The following ALMS1 variants were observed in gnomAD, a reference collection of about 807,000 sequenced individuals.
ALMS1 encodes the protein ALMS1 centrosome and basal body associated protein.
A neutral mutation model predicts 352.2 loss-of-function variants in ALMS1; 271 were observed. The ratio of observed to expected loss-of-function variants is 0.77; its 90% CI spans 0.70 to 0.85. The LOEUF is 0.85. Ranked by LOEUF, ALMS1 falls within the 40% of genes least tolerant of loss-of-function variation. The pLI is 0.00. For synonymous variants in ALMS1, 1,865 were observed against 1,761.2 expected (o/e 1.06, Z -1.48); for missense variants, 5,445 against 4,870.7 (o/e 1.12, Z -3.51).
At chr2:73,587,211 A>G (rs1185283909) in intron 16 of ALMS1, among the ~76,000 whole-genome samples, 1 of 152,192 alleles carries the variant, frequency 6.6e-6, no homozygotes, top group Non-Finnish European at 1.5e-5. Flanking sequence ...ATACAGTCAT[A>G]TCATCGGTGA....
chr2:73,560,582 A>C (rs1674636647), intron 15 of ALMS1, among the ~76,000 whole-genome samples: 1 of 152,198 alleles, frequency 6.6e-6, no homozygotes, highest in African/African-American at 2.4e-5. Context: ...AGGACTTCAA[A>C]AAGCTACCTG....
At position 73,449,178 on chromosome 2, in the gene ALMS1, C is replaced by T; in HGVS notation, c.2651C>T (p.Ala884Val). Residue 884 changes from alanine to valine, a missense_variant, in exon 8 of 23, where the codon GCT becomes GTT. Physicochemically the swap from Ala to Val is moderately conservative, Grantham distance 64. Coordinates refer to ENST00000613296, the MANE Select transcript of ALMS1 (RefSeq NM_001378454.1). ...TLPNSHLTEE[A>V]LKVSIVPGPG... ...CCCAATAGTCATCTAACTGAAGAGG[C>T]TCTGAAAGTATCAATTGTTCCTGGA... is the stretch of plus-strand genomic sequence containing the variant. 6.2e-7 allele frequency: 1 copy of T among 1,614,088 alleles called. No individual in the cohort carries two copies.
Position 73,452,832 on chromosome 2 carries a change from A to G in ALMS1, c.6305A>G (p.Asn2102Ser), listed in dbSNP as rs753284755. ...TCTTATTTTCACAGAGAGAAATCGAATATTTTCAGTCCACAGGAATTGCCA... is the reference window on the plus strand; with the variant it reads ...TCTTATTTTCACAGAGAGAAATCGAGTATTTTCAGTCCACAGGAATTGCCA... ...SSSYFHREKS[N>S]IFSPQELPGS... Residue 2102 changes from asparagine (N) to serine (S), a missense_variant, in exon 8 of 23, where the codon AAT (asparagine) becomes AGT (serine). Asn to Ser is a conservative substitution (Grantham distance 46). Coordinates refer to ENST00000613296, the MANE Select transcript of ALMS1 (RefSeq NM_001378454.1). 6.2e-7 allele frequency: 1 copy of G among 1,613,862 alleles called. No individual in the cohort carries two copies. The highest frequency in any genetic ancestry group is 8.5e-7 in the Non-Finnish European group (1 of 1,179,984).
In ALMS1 at chr2:73,451,285, A is replaced by G. The variant is rs778600773; in HGVS notation, c.4758A>G (p.Pro1586=). The G allele has an allele frequency of 2.9e-5, 46 of 1,614,002 alleles. No homozygotes were observed. Among genetic ancestry groups the G allele is most frequent in the Non-Finnish European group, 3.6e-5 (43 of 1,180,004 alleles). ...KPIVNYKQAF[P]DGHLPEEALK... Reference sequence around the variant, plus strand: ...TTGTTAACTACAAACAGGCCTTTCCAGATGGTCATCTACCTGAAGAGGCTC... The same window carrying G: ...TTGTTAACTACAAACAGGCCTTTCCGGATGGTCATCTACCTGAAGAGGCTC... Residue 1586 remains proline, a synonymous_variant, in exon 8 of 23, where the codon CCA becomes CCG. Coordinates refer to ENST00000613296, the MANE Select transcript of ALMS1 (RefSeq NM_001378454.1).
At chr2:73,517,351 T>G (rs565865964) in intron 10 of ALMS1, among the ~76,000 whole-genome samples, 7 of 149,684 alleles carry the variant, frequency 4.7e-5, no homozygotes, top group Admixed American at 1.3e-4. Context: ...ACTCTTGGTC[T>G]CAAGCAGTCC....
chr2:73,414,915 C>T (rs890095643), intron 2 of ALMS1, among the ~76,000 whole-genome samples: 1 of 152,048 alleles, frequency 6.6e-6, no homozygotes, highest in Non-Finnish European at 1.5e-5. Context: ...CATAGTTAGC[C>T]ACAAATCCCA....
chr2:73,497,256 T>C (rs1255353196), intron 10 of ALMS1, among the ~76,000 whole-genome samples: 1 of 152,116 alleles, frequency 6.6e-6, no homozygotes, highest in Admixed American at 6.5e-5. Flanking sequence ...TTCCAGCACA[T>C]TGATTATGCT....
chr2:73,490,317 T>G lies in ALMS1; in HGVS notation c.8358T>G (p.Thr2786=), dbSNP rs2103891552. The G allele has an allele frequency of 1.2e-6, 2 of 1,611,710 alleles. No individual in the cohort carries two copies. The highest frequency in any genetic ancestry group is 2.7e-5 in the African/African-American group (2 of 74,852). The change falls in exon 10 of 23, where the codon ACT becomes ACG. Residue 2786 remains threonine, a synonymous_variant. Coordinates refer to ENST00000613296, the MANE Select transcript of ALMS1 (RefSeq NM_001378454.1). ...GTAATTCACAAGATAAAGAAGTGACTATTTTAGCAGAAGGTAGAAGGCAAA... is the reference window on the plus strand; with the variant it reads ...GTAATTCACAAGATAAAGAAGTGACGATTTTAGCAGAAGGTAGAAGGCAAA... ...MHSNSQDKEV[T]ILAEGRRQSQ...
chr2:73,496,341 A>G (rs915376970), intron 10 of ALMS1, among the ~76,000 whole-genome samples: 10 of 152,216 alleles, frequency 6.6e-5, no homozygotes, highest in African/African-American at 2.4e-4. Flanking sequence ...ATCATAAAAT[A>G]TGTAACAGCC....
At chr2:73,481,217 A>G (rs949969350) in intron 9 of ALMS1, among the ~76,000 whole-genome samples, 3 of 152,182 alleles carry the variant, frequency 2.0e-5, no homozygotes, top group African/African-American at 7.2e-5. Flanking sequence ...TCAGTCTAAC[A>G]TGTAAGTCTT....
intron 10 of ALMS1, 25 bp downstream of exon 10, chr2:73,491,523 A>G (rs1437294825): frequency 6.2e-7 from 1 of 1,610,664 alleles, no homozygotes; most frequent in East Asian, 2.2e-5. Context: ...GATAACAAGC[A>G]AGCTGGATGG....
intron 7 of ALMS1, among the ~76,000 whole-genome samples, chr2:73,440,888 C>T (rs952364427): frequency 6.6e-5 from 10 of 152,166 alleles, no homozygotes; most frequent in Non-Finnish European, 1.2e-4. Context: ...CATATAGGCT[C>T]TGGCCTATTT....
intron 16 of ALMS1, among the ~76,000 whole-genome samples, chr2:73,593,595 T>A (rs1450033833): frequency 6.6e-6 from 1 of 152,226 alleles, no homozygotes; most frequent in Admixed American, 6.5e-5. Flanking sequence ...ATATTTTCCA[T>A]GCCGTAAACT....
At chr2:73,515,811 A>G (rs1241515902) in intron 10 of ALMS1, among the ~76,000 whole-genome samples, 3 of 151,620 alleles carry the variant, frequency 2.0e-5, no homozygotes, top group African/African-American at 7.3e-5. Flanking sequence ...ACACAAACTC[A>G]GAGACTATTA....
intron 10 of ALMS1, among the ~76,000 whole-genome samples, chr2:73,506,374 T>G (rs1182942030): frequency 6.6e-6 from 1 of 152,234 alleles, no homozygotes; most frequent in Non-Finnish European, 1.5e-5. Flanking sequence ...TAAATTACTT[T>G]GGACAGTATG....
intron 15 of ALMS1, among the ~76,000 whole-genome samples, chr2:73,566,328 G>A (rs1028622527): frequency 6.6e-6 from 1 of 152,144 alleles, no homozygotes; most frequent in Non-Finnish European, 1.5e-5. Context: ...TACAGTTAGG[G>A]TTACTTGAAC....
chr2:73,577,590 G>T (rs1294788829), intron 16 of ALMS1, among the ~76,000 whole-genome samples: 2 of 151,666 alleles, frequency 1.3e-5, no homozygotes, highest in African/African-American at 4.8e-5. Context: ...GATAAGTTCT[G>T]CCTTCATTGC....
intron 15 of ALMS1, among the ~76,000 whole-genome samples, chr2:73,566,346 C>G (rs1674800329): frequency 6.6e-6 from 1 of 152,154 alleles, no homozygotes; most frequent in Non-Finnish European, 1.5e-5. Context: ...AACACAGGCA[C>G]TGCAGTATCA....
intron 11 of ALMS1, among the ~76,000 whole-genome samples, chr2:73,522,639 T>A (rs1212400241): frequency 6.6e-6 from 1 of 152,082 alleles, no homozygotes; most frequent in Admixed American, 6.5e-5. Flanking sequence ...CAACTAATTT[T>A]TGTATTTTTA....
Sources: allele counts gnomAD v4.1 joint callset (sites outside exome capture counted in the v4.1 genomes callset), GRCh38; gene constraint gnomAD v4.1.1; transcripts MANE v1.5; gene names NCBI Gene and HGNC (gene_info 2026-07-23, HGNC 2026-07-21).